NKAIN2: variants seen among roughly 807,000 people sequenced by gnomAD.
NKAIN2 encodes sodium/potassium transporting ATPase interacting 2.
NKAIN2 carries 14 observed loss-of-function variants against 32.6 expected under a neutral mutation model. The ratio of observed to expected loss-of-function variants is 0.43; its 90% CI spans 0.28 to 0.67. The LOEUF is 0.67. Among genes scored for constraint, NKAIN2 ranks in the 30% least tolerant of loss-of-function variants. The probability of loss-of-function intolerance (pLI) is 0.17; values close to 1 mark genes in which losing one functional copy is unlikely to be tolerated. For missense variants in NKAIN2, 198 were observed against 258.3 expected (o/e 0.77, Z 1.60); for synonymous variants, 80 against 87.2 (o/e 0.92, Z 0.46).
Position 124,666,412 on chromosome 6 carries a change from C to A in NKAIN2, c.474+8026C>A, listed in dbSNP as rs535608213. Among the ~76,000 whole-genome samples the A allele has an allele frequency of 2.0e-5, 3 of 152,268 alleles. No homozygotes were observed. In the South Asian group the frequency reaches 6.2e-4, roughly 32 times the overall value. On this transcript the variant is annotated intron_variant, in intron 4 of 6. Coordinates refer to ENST00000368417, the MANE Select transcript of NKAIN2 (RefSeq NM_001040214.3). The stretch of plus-strand genomic sequence containing the variant: ...CCACAGACTAATTTCAGAACCTTGA[C>A]TGGATCCATCCCTGAATAGTAAAAA...
At chr6:124,449,915 G>T (rs908035203) in intron 3 of NKAIN2, among the ~76,000 whole-genome samples, 1 of 152,070 alleles carries the variant, frequency 6.6e-6, no homozygotes, top group African/African-American at 2.4e-5. Flanking sequence ...GTGACTTTTC[G>T]GTTAGGCTGT....
intron 1 of NKAIN2, among the ~76,000 whole-genome samples, chr6:124,118,115 A>C (rs1785704387): frequency 6.6e-6 from 1 of 152,118 alleles, no homozygotes; most frequent in South Asian, 2.1e-4. Flanking sequence ...ATAAGGCATG[A>C]TGCTATCATA....
chr6:124,062,689 C>T (rs1782972838), intron 1 of NKAIN2, among the ~76,000 whole-genome samples: 1 of 152,132 alleles, frequency 6.6e-6, no homozygotes, highest in South Asian at 2.1e-4. Flanking sequence ...TGTTGGGATA[C>T]AGGCGTGAGC....
At chr6:124,123,124 G>A (rs967135395) in intron 1 of NKAIN2, among the ~76,000 whole-genome samples, 10 of 151,982 alleles carry the variant, frequency 6.6e-5, no homozygotes, top group African/African-American at 2.4e-4. Context: ...AATGTAAGCT[G>A]TTACTGGATT....
At chr6:124,187,701 A>G (rs1452168906) in intron 1 of NKAIN2, among the ~76,000 whole-genome samples, 1 of 152,080 alleles carries the variant, frequency 6.6e-6, no homozygotes, top group Non-Finnish European at 1.5e-5. Flanking sequence ...ATCCTTTTTA[A>G]CAACATAGTA....
chr6:124,256,885 GTT>G (rs568654193), intron 1 of NKAIN2, among the ~76,000 whole-genome samples: 10,870 of 75,884 alleles, frequency 0.14, 293 homozygotes, highest in African/African-American at 0.21. Context: ...GCTTTCTGTT[GTT>G]TTTTTTTTTT....
At chr6:123,938,664 C>T (rs925430107) in intron 1 of NKAIN2, among the ~76,000 whole-genome samples, 3 of 143,542 alleles carry the variant, frequency 2.1e-5, no homozygotes, top group Non-Finnish European at 4.5e-5. Flanking sequence ...ATGGCAGACT[C>T]AGAGAATGGC....
At chr6:124,628,719 TAC>T (rs1783450908) in intron 3 of NKAIN2, among the ~76,000 whole-genome samples, 1 of 152,106 alleles carries the variant, frequency 6.6e-6, no homozygotes, top group South Asian at 2.1e-4. Context: ...CTTGAAATAT[TAC>T]AGATTTCTCT....
chr6:124,175,682 T>C (rs1339244448), intron 1 of NKAIN2, among the ~76,000 whole-genome samples: 1 of 152,200 alleles, frequency 6.6e-6, no homozygotes, highest in African/African-American at 2.4e-5. Context: ...CCCAACCTTT[T>C]ACTCTTCCCC....
Position 124,730,405 on chromosome 6 carries a change from G to A in NKAIN2, c.475-60934G>A, listed in dbSNP as rs1176332514. On this transcript the variant is annotated intron_variant, in intron 4 of 6. Coordinates refer to ENST00000368417, the MANE Select transcript of NKAIN2 (RefSeq NM_001040214.3). Reference sequence around the variant, plus strand: ...GAACAGAGCCCTCAGAAATAACGCCGCATATCTAAAACTATCTGATCTTTG... The same window carrying A: ...GAACAGAGCCCTCAGAAATAACGCCACATATCTAAAACTATCTGATCTTTG... 6.3e-5 allele frequency among the ~76,000 whole-genome samples: 6 copies of A among 95,874 alleles called. 1 individual carries two copies. Among genetic ancestry groups the A allele is most frequent in the African/African-American group, 1.2e-4 (3 of 24,468 alleles). 62.9% of individuals were successfully genotyped at this position (95,874 alleles called of 152,430 possible).
intron 1 of NKAIN2, among the ~76,000 whole-genome samples, chr6:124,214,913 G>A (rs1038786194): frequency 1.3e-5 from 2 of 152,122 alleles, no homozygotes; most frequent in Non-Finnish European, 2.9e-5. Context: ...GCTTTCTGGA[G>A]CTTCTCTCAG....
chr6:124,250,612 G>A (rs1582925946), intron 1 of NKAIN2, among the ~76,000 whole-genome samples: 1 of 151,960 alleles, frequency 6.6e-6, no homozygotes, highest in East Asian at 1.9e-4. Context: ...TATCTTGCTA[G>A]CATTTGGTCA....
At chr6:124,122,160 C>T (rs1785915822) in intron 1 of NKAIN2, among the ~76,000 whole-genome samples, 1 of 151,952 alleles carries the variant, frequency 6.6e-6, no homozygotes, top group South Asian at 2.1e-4. Context: ...AAATAGATTA[C>T]TTAAAGTCAC....
rs1157607122 is a variant in NKAIN2, at chr6:124,647,496, CAA to C, written c.274-10667_274-10666del. On this transcript the variant is annotated intron_variant, in intron 3 of 6. Coordinates refer to ENST00000368417, the MANE Select transcript of NKAIN2 (RefSeq NM_001040214.3). ...CCTGGGCGACAGAGCGAGACTCTGT[CAA>C]AAAAAAAAAAAAAAAAAAAAAAGAC... is the stretch of plus-strand genomic sequence containing the variant. Among the ~76,000 whole-genome samples the C allele has an allele frequency of 3.4e-4, 20 of 58,948 alleles. No homozygotes were observed. The South Asian group carries it at 3.8e-3, about 11-fold the overall frequency. The allele number at this position is 58,948 out of a possible 152,430, so 38.7% of individuals were successfully genotyped here.
intron 1 of NKAIN2, among the ~76,000 whole-genome samples, chr6:124,064,591 T>A (rs1025688366): frequency 1.9e-4 from 29 of 152,294 alleles, no homozygotes; most frequent in African/African-American, 4.8e-4. Context: ...AACTGAAAGA[T>A]GTCCAGATAT....
intron 1 of NKAIN2, among the ~76,000 whole-genome samples, chr6:124,103,028 G>A (rs1784962195): frequency 6.6e-6 from 1 of 152,068 alleles, no homozygotes; most frequent in Non-Finnish European, 1.5e-5. Flanking sequence ...ACTGAAAATC[G>A]ATGACTAAGA....
intron 1 of NKAIN2, among the ~76,000 whole-genome samples, chr6:124,162,400 T>C (rs1490004389): frequency 1.3e-5 from 2 of 152,164 alleles, no homozygotes; most frequent in Non-Finnish European, 2.9e-5. Flanking sequence ...GAGATGGTAT[T>C]AAATATAAAT....
chr6:124,237,211 A>G (rs986155122), intron 1 of NKAIN2, among the ~76,000 whole-genome samples: 93 of 152,192 alleles, frequency 6.1e-4, no homozygotes, highest in African/African-American at 2.1e-3. Context: ...GTGAGTGCAT[A>G]TTGTGGAAAT....
Position 124,407,156 on chromosome 6 carries a change from T to C in NKAIN2, c.273+51809T>C, listed in dbSNP as rs1236913871. Among the ~76,000 whole-genome samples the C allele has an allele frequency of 3.3e-5, 5 of 152,264 alleles. No homozygotes were observed. In the East Asian group the frequency reaches 9.6e-4, roughly 29 times the overall value. ...ATTTTCTTTTAGAAATTTTATAGTT[T>C]TAGGATTTACATTTAGGTTTATGAT... On this transcript the variant is annotated intron_variant, in intron 3 of 6. Coordinates refer to ENST00000368417, the MANE Select transcript of NKAIN2 (RefSeq NM_001040214.3).
Sources: gnomAD v4.1 joint callset for allele counts (sites outside exome capture counted in the v4.1 genomes callset) on GRCh38, gnomAD v4.1.1 for gene constraint, MANE v1.5 for transcripts, NCBI Gene and HGNC (gene_info 2026-07-23, HGNC 2026-07-21) for gene names.